The following TM2D1 variants were observed in gnomAD, a reference collection of about 807,000 sequenced individuals.
The protein encoded by TM2D1 is TM2 domain-containing protein 1.
In TM2D1, 15 loss-of-function variants were observed where a neutral mutation model predicts 28.4. The observed-to-expected ratio is 0.53, with a 90% confidence interval of 0.35 to 0.81. The LOEUF (loss-of-function observed/expected upper bound fraction) is 0.81, where lower values mean the gene tolerates loss of function less well. Ranked by LOEUF, TM2D1 falls within the 40% of genes least tolerant of loss-of-function variation. TM2D1 has a pLI of 0.01. For missense variants in TM2D1, 236 were observed against 254.9 expected, an observed-to-expected ratio of 0.93 and a Z score of 0.50; for synonymous variants, 93 against 96.2, an observed-to-expected ratio of 0.97 and a Z score of 0.20.
At chr1:61,715,851 G>A (rs926712791) in intron 2 of TM2D1, among the ~76,000 whole-genome samples, 4 of 150,808 alleles carry the variant, frequency 2.7e-5, no homozygotes, top group Non-Finnish European at 5.9e-5. Flanking sequence ...ACCCAGGCTG[G>A]AGTACAGTGG....
At chr1:61,700,392 T>C in intron 4 of TM2D1, 4 of 1,207,352 alleles carry the variant, frequency 3.3e-6, no homozygotes, top group Non-Finnish European at 4.3e-6. Flanking sequence ...ATAGTTTTCA[T>C]AAGCATTAGT....
At chr1:61,712,544 G>A (rs1390369517) in intron 2 of TM2D1, among the ~76,000 whole-genome samples, 1 of 152,022 alleles carries the variant, frequency 6.6e-6, no homozygotes, top group Non-Finnish European at 1.5e-5. Context: ...TCCAGTAGCT[G>A]GGATTATAGG....
At chr1:61,681,956 C>G (rs1644248147) in intron 6 of TM2D1, among the ~76,000 whole-genome samples, 1 of 152,096 alleles carries the variant, frequency 6.6e-6, no homozygotes, top group Non-Finnish European at 1.5e-5. Flanking sequence ...GATCTCTAAG[C>G]TTTATTCTAA....
At chr1:61,693,293 T>C (rs1055279716) in intron 5 of TM2D1, among the ~76,000 whole-genome samples, 3 of 152,190 alleles carry the variant, frequency 2.0e-5, no homozygotes, top group Admixed American at 2.0e-4. Context: ...AAGCAGTGAC[T>C]GAATCAAATT....
chr1:61,703,184 C>T (rs577802593), intron 3 of TM2D1, among the ~76,000 whole-genome samples: 1 of 151,120 alleles, frequency 6.6e-6, no homozygotes, highest in African/African-American at 2.4e-5. Context: ...GCACATGTCA[C>T]TGTGCAAAGC....
chr1:61,704,052 A>G (rs1315521), intron 3 of TM2D1, among the ~76,000 whole-genome samples: 113,720 of 149,390 alleles, frequency 0.76, 43,842 homozygotes, highest in African/African-American at 0.9. Flanking sequence ...CACCACATCC[A>G]GCTAATTTTT....
At chr1:61,694,864 TATCA>T in intron 4 of TM2D1, 94 bp from the exon 5 acceptor site, 2 of 593,952 alleles carry the variant, frequency 3.4e-6, no homozygotes, top group African/African-American at 3.8e-5. Context: ...TATATATATA[TATCA>T]CACTCTTTAT....
At chr1:61,707,886 C>A (rs1644452137) in intron 3 of TM2D1, among the ~76,000 whole-genome samples, 1 of 151,908 alleles carries the variant, frequency 6.6e-6, no homozygotes, top group Non-Finnish European at 1.5e-5. Context: ...TTGAAACAAC[C>A]AAAACTAAGT....
chr1:61,719,000 A>G (rs2148068075), intron 2 of TM2D1, among the ~76,000 whole-genome samples: 1 of 152,332 alleles, frequency 6.6e-6, no homozygotes, highest in Admixed American at 6.5e-5. Context: ...AATAAATTAA[A>G]TTTACTAAAG....
At chr1:61,685,025 T>C (rs995452120) in intron 5 of TM2D1, among the ~76,000 whole-genome samples, 2 of 152,204 alleles carry the variant, frequency 1.3e-5, no homozygotes, top group Non-Finnish European at 2.9e-5. Context: ...ACTAGGATGA[T>C]GGTTAAGAAC....
At position 61,725,105 on chromosome 1, in the gene TM2D1, G is replaced by A. The variant is rs1480038388; in HGVS notation, c.16C>T (p.Pro6Ser). Residue 6 changes from proline to serine, a missense_variant, in exon 1 of 7, where the codon CCG (proline) becomes TCG (serine). Pro to Ser is a moderately conservative substitution (Grantham distance 74). Coordinates refer to ENST00000606498, the MANE Select transcript of TM2D1 (RefSeq NM_032027.3). ...GCCTCCGGAGCAGACGGACCAGACGGCCAGGCGGCCGCCATCTTGGAGACC... is the reference window on the plus strand; with the variant it reads ...GCCTCCGGAGCAGACGGACCAGACGACCAGGCGGCCGCCATCTTGGAGACC... MAAAWPSGPSAPEAVT... is the reference protein window; with the variant it reads MAAAWSSGPSAPEAVT... 1 of 1,613,462 alleles carries A rather than the reference G, an allele frequency of 6.2e-7. No individual in the cohort carries two copies.
At chr1:61,681,908 T>C (rs1644247464) in intron 6 of TM2D1, among the ~76,000 whole-genome samples, 1 of 152,204 alleles carries the variant, frequency 6.6e-6, no homozygotes. Context: ...TCAACTTCCT[T>C]AGGTCTTGAT....
intron 5 of TM2D1, among the ~76,000 whole-genome samples, chr1:61,691,935 A>ATATATATATATATATATATATATG (rs1644329941): frequency 3.4e-4 from 26 of 75,724 alleles, no homozygotes; most frequent in Admixed American, 1.7e-3. Flanking sequence ...AAAAAAAAAT[A>ATATATATATATATATATATATATG]TATATATATA....
At chr1:61,698,544 G>GT (rs1339709303) in intron 4 of TM2D1, 1 of 141,238 alleles carries the variant, frequency 7.1e-6, no homozygotes, top group East Asian at 2.0e-4. Context: ...GGCAACAAGA[G>GT]TGAAACTCCG....
intron 5 of TM2D1, among the ~76,000 whole-genome samples, chr1:61,690,080 C>A (rs1230723912): frequency 6.6e-6 from 1 of 152,164 alleles, no homozygotes; most frequent in East Asian, 1.9e-4. Flanking sequence ...AGAGTCCTTA[C>A]CAGACACTGA....
intron 4 of TM2D1, 24 bp downstream of exon 4, chr1:61,700,910 T>A: frequency 6.4e-7 from 1 of 1,557,502 alleles, no homozygotes; most frequent in Non-Finnish European, 8.8e-7. Context: ...TCATAAGGAT[T>A]TTTTTTTAAT....
chr1:61,719,549 G>C (rs1170565427), intron 2 of TM2D1, among the ~76,000 whole-genome samples: 1 of 152,080 alleles, frequency 6.6e-6, no homozygotes, highest in Admixed American at 6.6e-5. Context: ...CTAGAGTGCA[G>C]TGGCGCAATC....
At chr1:61,701,556 C>CGTGTGTGTGT (rs60257971) in intron 3 of TM2D1, among the ~76,000 whole-genome samples, 1,538 of 145,940 alleles carry the variant, frequency 0.011, 9 homozygotes, top group Admixed American at 0.023. Context: ...AATTCTCTTT[C>CGTGTGTGTGT]GTGTGTGTGT....
chr1:61,688,693 A>G (rs1644302057), intron 5 of TM2D1, among the ~76,000 whole-genome samples: 1 of 151,198 alleles, frequency 6.6e-6, no homozygotes, highest in Admixed American at 6.6e-5. Context: ...ACTGCACTCC[A>G]GCCTGGGCAA....
Sources: gnomAD v4.1 joint callset for allele counts (sites outside exome capture counted in the v4.1 genomes callset) on GRCh38, gnomAD v4.1.1 for gene constraint, MANE v1.5 for transcripts, NCBI Gene and HGNC (gene_info 2026-07-23, HGNC 2026-07-21) for gene names.